Variants in DPYD observed in about 807,000 individuals in gnomAD.
DPYD encodes the protein dihydropyrimidine dehydrogenase [NADP(+)].
DPYD carries 109 observed loss-of-function variants against 116.2 expected under a neutral mutation model. That is an observed-to-expected ratio of 0.94 (90% CI 0.80 to 1.10). The LOEUF is 1.10. Ranked by LOEUF, DPYD falls within the 50% of genes least tolerant of loss-of-function variation. DPYD has a pLI of 0.00. For missense variants in DPYD, 1,302 were observed against 1,254.5 expected (o/e 1.04, Z -0.57); for synonymous variants, 440 against 432.0 (o/e 1.02, Z -0.23).
chr1:97,903,980 G>T (rs1673487003), intron 1 of DPYD, among the ~76,000 whole-genome samples: 1 of 151,876 alleles, frequency 6.6e-6, no homozygotes, highest in African/African-American at 2.4e-5. Context: ...GTGGGCACTG[G>T]AGAGAGGATA....
Position 97,877,335 on chromosome 1 carries a change from A to G in DPYD, c.150+5929T>C, listed in dbSNP as rs532699731. Among the ~76,000 whole-genome samples the G allele has an allele frequency of 1.5e-3, 230 of 152,034 alleles. 1 individual carries two copies. The highest frequency in any genetic ancestry group is 1.2e-3 in the Non-Finnish European group (82 of 67,946). On this transcript the variant is annotated intron_variant, in intron 2 of 22. Transcript: ENST00000370192. ...CACACTTGCCACCAACCCTCATAAA[A>G]CTTAGGTATCAGCTCGCAGAAATAA...
intron 13 of DPYD, among the ~76,000 whole-genome samples, chr1:97,501,017 T>C (rs1016068214): frequency 3.3e-5 from 5 of 152,076 alleles, no homozygotes; most frequent in Middle Eastern, 3.2e-3. Context: ...TCAGATCTTA[T>C]TGACTGCTGT....
At chr1:97,779,565 A>G (rs1571344292) in intron 3 of DPYD, among the ~76,000 whole-genome samples, 1 of 152,140 alleles carries the variant, frequency 6.6e-6, no homozygotes, top group East Asian at 1.9e-4. Flanking sequence ...TGAAGTTTTT[A>G]TACAGGAACT....
intron 18 of DPYD, among the ~76,000 whole-genome samples, chr1:97,265,987 T>C (rs1036286567): frequency 6.6e-6 from 1 of 152,220 alleles, no homozygotes; most frequent in Non-Finnish European, 1.5e-5. Flanking sequence ...CATTGTGCTT[T>C]AAGTAAAGGT....
At chr1:97,770,412 T>TA (rs1194848187) in intron 3 of DPYD, among the ~76,000 whole-genome samples, 3 of 152,076 alleles carry the variant, frequency 2.0e-5, no homozygotes, top group Admixed American at 6.6e-5. Context: ...CAAAGCCTTT[T>TA]AAAAAAACTT....
intron 19 of DPYD, among the ~76,000 whole-genome samples, chr1:97,208,108 T>G (rs1659772626): frequency 6.6e-6 from 1 of 152,132 alleles, no homozygotes; most frequent in Non-Finnish European, 1.5e-5. Flanking sequence ...TAGATTATTC[T>G]GAATTTTTAC....
intron 5 of DPYD, 22 bp from the exon 6 acceptor site, chr1:97,699,569 T>A (rs551616997): frequency 2.5e-6 from 4 of 1,611,982 alleles, no homozygotes; most frequent in Non-Finnish European, 3.4e-6. Context: ...TCAATTGTCA[T>A]GGTTAAAATT....
chr1:97,719,733 C>CA (rs1373340395), intron 5 of DPYD: 4 of 983,654 alleles, frequency 4.1e-6, no homozygotes, highest in South Asian at 9.4e-5. Flanking sequence ...TCGGCCAACC[C>CA]AAAAAAAAGG....
chr1:97,788,732 G>T (rs149640486), intron 3 of DPYD, among the ~76,000 whole-genome samples: 1 of 152,162 alleles, frequency 6.6e-6, no homozygotes, highest in South Asian at 2.1e-4. Context: ...GGACAGAAAG[G>T]CAATTCCCCT....
intron 14 of DPYD, among the ~76,000 whole-genome samples, chr1:97,395,465 T>C (rs1672957168): frequency 6.6e-6 from 1 of 152,030 alleles, no homozygotes; most frequent in African/African-American, 2.4e-5. Flanking sequence ...GTCAAGTTAA[T>C]CAATAGCAAA....
chr1:97,396,025 T>G (rs1365707233), intron 14 of DPYD, among the ~76,000 whole-genome samples: 1 of 152,046 alleles, frequency 6.6e-6, no homozygotes, highest in Non-Finnish European at 1.5e-5. Context: ...AATCAAGAAC[T>G]AAATTAATAA....
At chr1:97,294,728 T>C (rs1194008078) in intron 18 of DPYD, among the ~76,000 whole-genome samples, 1 of 152,224 alleles carries the variant, frequency 6.6e-6, no homozygotes, top group African/African-American at 2.4e-5. Flanking sequence ...ACTATATTGA[T>C]GGCAGCTACA....
Position 97,593,260 on chromosome 1 carries a change from G to A in DPYD, c.1086C>T (p.Val362=). The change falls in exon 10 of 23, where the codon GTC becomes GTT. Residue 362 remains valine, a synonymous_variant. Transcript: ENST00000370192. ...LRCGARRVFI[V]FRKGFVNIRA... ...TTATATTAACAAAGCCTTTTCTGAA[G>A]ACGATGAACACACGGCGAGCTCCAC... 1 of 1,614,126 alleles carries A rather than the reference G, an allele frequency of 6.2e-7. No individual in the cohort carries two copies. Among genetic ancestry groups the A allele is most frequent in the Admixed American group, 1.7e-5 (1 of 60,024 alleles).
At chr1:97,809,150 C>G (rs960229918) in intron 3 of DPYD, among the ~76,000 whole-genome samples, 1 of 152,066 alleles carries the variant, frequency 6.6e-6, no homozygotes, top group African/African-American at 2.4e-5. Context: ...ATGATTTGAC[C>G]AAATTAAAAG....
chr1:97,766,519 A>G (rs1665863706), intron 3 of DPYD, among the ~76,000 whole-genome samples: 1 of 152,156 alleles, frequency 6.6e-6, no homozygotes, highest in Admixed American at 6.6e-5. Context: ...GCAAAAGATC[A>G]TGTAAAATGA....
chr1:97,181,809 C>T (rs926414500), intron 20 of DPYD, among the ~76,000 whole-genome samples: 16 of 152,082 alleles, frequency 1.1e-4, no homozygotes, highest in African/African-American at 3.6e-4. Context: ...CTCCATGTTA[C>T]GAATAGTTAT....
chr1:97,587,542 T>C (rs974288179), intron 10 of DPYD, among the ~76,000 whole-genome samples: 3 of 152,144 alleles, frequency 2.0e-5, no homozygotes. Context: ...AATACATGTT[T>C]AGGCCACGCA....
At chr1:97,206,687 T>TATATATA (rs539927395) in intron 19 of DPYD, among the ~76,000 whole-genome samples, 2 of 71,584 alleles carry the variant, frequency 2.8e-5, no homozygotes, top group Non-Finnish European at 5.8e-5. Context: ...TATATATATA[T>TATATATA]AATCTATATG....
chr1:97,225,086 G>T (rs1661046040), intron 19 of DPYD, among the ~76,000 whole-genome samples: 1 of 151,240 alleles, frequency 6.6e-6, no homozygotes, highest in Non-Finnish European at 1.5e-5. Context: ...ATGTAGTGCT[G>T]ATTTCATTTC....
Sources: allele counts gnomAD v4.1 joint callset (sites outside exome capture counted in the v4.1 genomes callset), GRCh38; gene constraint gnomAD v4.1.1; transcripts MANE v1.5; gene names NCBI Gene and HGNC (gene_info 2026-07-23, HGNC 2026-07-21).